The following SLC16A1 variants were observed in gnomAD, a reference collection of about 807,000 sequenced individuals.
SLC16A1 encodes the protein solute carrier family 16 member 1.
Under a neutral mutation model 32.2 loss-of-function variants are expected in SLC16A1, and 11 were observed. The observed-to-expected ratio is 0.34, with a 90% CI of 0.21 to 0.56. SLC16A1 has a LOEUF of 0.56. Ranked by LOEUF, SLC16A1 falls within the 20% of genes least tolerant of loss-of-function variation. The pLI is 0.87. For synonymous variants in SLC16A1, 231 were observed against 226.8 expected, an observed-to-expected ratio of 1.02 and a Z score of -0.17; for missense variants, 435 against 615.0, an observed-to-expected ratio of 0.71 and a Z score of 3.10.
intron 1 of SLC16A1, among the ~76,000 whole-genome samples, chr1:112,948,644 C>G (rs1307299108): frequency 2.0e-5 from 3 of 151,742 alleles, no homozygotes; most frequent in Admixed American, 2.0e-4. Flanking sequence ...GCTGGGATTA[C>G]AGGCAACCGC....
At chr1:112,937,299 T>G (rs1427616226) in intron 1 of SLC16A1, among the ~76,000 whole-genome samples, 1 of 152,212 alleles carries the variant, frequency 6.6e-6, no homozygotes, top group African/African-American at 2.4e-5. Flanking sequence ...TTTTAGTCAC[T>G]AAAGCTTGCC....
chr1:112,947,996 A>T lies in SLC16A1; in HGVS notation c.-45+8039T>A, dbSNP rs970358025. ...CACTTTGGGAGGCCAAGGTGGGCGGATCACCTGAGGTCAGGAGTTCGAGAA... is the reference window on the plus strand; with the variant it reads ...CACTTTGGGAGGCCAAGGTGGGCGGTTCACCTGAGGTCAGGAGTTCGAGAA... On this transcript the variant is annotated intron_variant, in intron 1 of 4. Coordinates refer to ENST00000369626, the MANE Select transcript of SLC16A1 (RefSeq NM_003051.4). Among the ~76,000 whole-genome samples, 8 of 152,308 alleles carry T rather than the reference A, an allele frequency of 5.3e-5. No individual in the cohort carries two copies. The East Asian group carries it at 1.5e-3, about 29-fold the overall frequency.
intron 1 of SLC16A1, among the ~76,000 whole-genome samples, chr1:112,940,182 C>T (rs967722238): frequency 5.3e-5 from 8 of 151,676 alleles, no homozygotes; most frequent in African/African-American, 2.4e-5. Context: ...AGATTACAGG[C>T]ATGAGACACC....
At chr1:112,953,307 GCATGCCAC>G (rs925088188) in intron 1 of SLC16A1, among the ~76,000 whole-genome samples, 7 of 152,060 alleles carry the variant, frequency 4.6e-5, no homozygotes, top group African/African-American at 1.7e-4. Context: ...GATTACAGAA[GCATGCCAC>G]CATGCCTGGC....
At chr1:112,915,286 G>C (rs1041562315) in intron 4 of SLC16A1, among the ~76,000 whole-genome samples, 6 of 152,158 alleles carry the variant, frequency 3.9e-5, no homozygotes, top group African/African-American at 1.4e-4. Flanking sequence ...ACTTAGCTGG[G>C]ATTTGCAGGA....
At chr1:112,925,188 G>A (rs936486659) in intron 2 of SLC16A1, among the ~76,000 whole-genome samples, 2 of 152,138 alleles carry the variant, frequency 1.3e-5, no homozygotes, top group African/African-American at 2.4e-5. Context: ...TCATGTATCA[G>A]TTTTTTGCGA....
chr1:112,930,283 G>A (rs969353620), intron 1 of SLC16A1, among the ~76,000 whole-genome samples: 1 of 152,028 alleles, frequency 6.6e-6, no homozygotes, highest in Non-Finnish European at 1.5e-5. Context: ...ATTGAATTAC[G>A]GGACACCCAG....
Position 112,917,645 on chromosome 1 carries a change from T to C in SLC16A1, c.761A>G (p.Asp254Gly), listed in dbSNP as rs759340926. 3.1e-6 allele frequency: 5 copies of C among 1,614,216 alleles called. No individual in the cohort carries two copies. The East Asian group carries it at 1.1e-4, about 36-fold the overall frequency. ...GCCTCTGTGGGTGAATAGGGTTAAG[T>C]CCAGGAACTGATTAATTGTTTGGAA... ...SVFQTINQFL[D>G]LTLFTHRGFL... Residue 254 changes from aspartate to glycine, a missense_variant, in exon 4 of 5, where the codon GAC (aspartate) becomes GGC (glycine). Physicochemically the swap from Asp to Gly is moderately conservative, Grantham distance 94. Transcript: ENST00000369626. The surrounding 1 kb of genome is among the most constrained non-coding windows in gnomAD (Gnocchi z 4.1).
intron 3 of SLC16A1, 27 bp from the exon 4 acceptor site, chr1:112,918,071 A>C (rs1305333673): frequency 9.5e-7 from 1 of 1,056,078 alleles, no homozygotes; most frequent in Non-Finnish European, 1.2e-6. Context: ...TAAATAAATA[A>C]ATAAATAAAT....
In SLC16A1 at chr1:112,929,230, A is replaced by C; in HGVS notation, c.79T>G (p.Phe27Val). The change falls in exon 2 of 5, where the codon TTC (phenylalanine) becomes GTC (valine). Residue 27 changes from phenylalanine to valine, a missense_variant. Physicochemically the swap from Phe to Val is conservative, Grantham distance 50. This residue lies in a region of SLC16A1 where 324 missense variants were observed against 500.3 expected (regional missense o/e 0.65). Transcript: ENST00000369626. ...GCATAAGAGAAGCCGATGGAAATGAAAGCTCCAATTACCACTGCCCAGCCC... is the reference window on the plus strand; with the variant it reads ...GCATAAGAGAAGCCGATGGAAATGACAGCTCCAATTACCACTGCCCAGCCC... ...GWGWAVVIGA[F>V]ISIGFSYAFP... The C allele has an allele frequency of 6.2e-7, 1 of 1,614,150 alleles. No individual in the cohort carries two copies. Among genetic ancestry groups the C allele is most frequent in the Non-Finnish European group, 8.5e-7 (1 of 1,180,026 alleles).
chr1:112,939,557 G>A (rs1483463999), intron 1 of SLC16A1, among the ~76,000 whole-genome samples: 2 of 152,176 alleles, frequency 1.3e-5, no homozygotes, highest in African/African-American at 4.8e-5. Context: ...CCAGGCTGGA[G>A]TGCAATGGCA....
intron 2 of SLC16A1, among the ~76,000 whole-genome samples, chr1:112,927,668 G>T (rs894275960): frequency 1.3e-5 from 2 of 152,150 alleles, no homozygotes; most frequent in Non-Finnish European, 2.9e-5. Context: ...CGGTTTATAG[G>T]CCTATTATAA....
At chr1:112,931,681 C>CAAAG (rs1364881032) in intron 1 of SLC16A1, among the ~76,000 whole-genome samples, 3 of 140,792 alleles carry the variant, frequency 2.1e-5, no homozygotes, top group African/African-American at 7.9e-5. Flanking sequence ...AGTTTTAAAT[C>CAAAG]AAAGATAACT....
intron 2 of SLC16A1, chr1:112,923,655 C>T: frequency 1.3e-6 from 2 of 1,481,932 alleles, no homozygotes; most frequent in Non-Finnish European, 1.9e-6. Context: ...GAAGTGGCTG[C>T]AGTGTCCCCG....
chr1:112,933,413 G>A (rs1177378375), intron 1 of SLC16A1, among the ~76,000 whole-genome samples: 10 of 143,354 alleles, frequency 7.0e-5, no homozygotes, highest in Admixed American at 2.9e-4. Flanking sequence ...CTGAGATCAC[G>A]CCACTGCACT....
intron 1 of SLC16A1, among the ~76,000 whole-genome samples, chr1:112,931,912 A>C (rs1649144501): frequency 6.6e-6 from 1 of 152,134 alleles, no homozygotes; most frequent in Non-Finnish European, 1.5e-5. Flanking sequence ...ATTTCAAAGT[A>C]CTTCCACTCA....
At chr1:112,949,063 G>A (rs576856520) in intron 1 of SLC16A1, among the ~76,000 whole-genome samples, 6 of 151,874 alleles carry the variant, frequency 4.0e-5, no homozygotes, top group Non-Finnish European at 8.8e-5. Flanking sequence ...TCACCGTGTT[G>A]GCCAGGATGG....
intron 3 of SLC16A1, among the ~76,000 whole-genome samples, chr1:112,918,798 G>A (rs917339636): frequency 1.3e-5 from 2 of 152,070 alleles, no homozygotes; most frequent in African/African-American, 4.8e-5. Flanking sequence ...GAAAGAACCT[G>A]TCTCAAAAAC....
At chr1:112,916,111 T>G (rs946758211) in intron 4 of SLC16A1, among the ~76,000 whole-genome samples, 3 of 151,974 alleles carry the variant, frequency 2.0e-5, no homozygotes, top group African/African-American at 4.8e-5. Flanking sequence ...ATAAGGACAG[T>G]CTCTGGTACA....
Sources: gnomAD v4.1 joint callset for allele counts (sites outside exome capture counted in the v4.1 genomes callset) on GRCh38, gnomAD v4.1.1 for gene constraint, gnomAD v4.1.1 regional missense constraint, Gnocchi (gnomAD v3.1) non-coding constraint, MANE v1.5 for transcripts, NCBI Gene and HGNC (gene_info 2026-07-23, HGNC 2026-07-21) for gene names.